DPYS: variants seen among roughly 807,000 people sequenced by gnomAD.
DPYS encodes the protein dihydropyrimidinase.
Under a neutral mutation model 50.3 loss-of-function variants are expected in DPYS, and 39 were observed. The observed-to-expected ratio is 0.78, with a 90% CI of 0.60 to 1.01. DPYS has a LOEUF of 1.01. Ranked by LOEUF, DPYS falls within the 50% of genes least tolerant of loss-of-function variation. The probability of loss-of-function intolerance (pLI) is 0.00; values close to 1 mark genes in which losing one functional copy is unlikely to be tolerated. For synonymous variants in DPYS, 245 were observed against 250.7 expected (o/e 0.98, Z 0.22); for missense variants, 659 against 680.9 (o/e 0.97, Z 0.36).
In DPYS at chr8:104,412,087, G is replaced by A. The variant is rs368497892; in HGVS notation, c.1235+12160C>T. ...GGCCACTTTTTGGGGAGGGCACCAA[G>A]GAAGTGTTCTGCAGGTACATGAAAT... On this transcript the variant is annotated intron_variant, in intron 7 of 9. Coordinates refer to ENST00000351513, the MANE Select transcript of DPYS (RefSeq NM_001385.3). 1.5e-4 allele frequency among the ~76,000 whole-genome samples: 23 copies of A among 152,302 alleles called. No individual in the cohort carries two copies. In the East Asian group the frequency reaches 4.3e-3, roughly 28 times the overall value.
chr8:104,447,216 C>T, intron 3 of DPYS, 108 bp downstream of exon 3: 1 of 1,379,220 alleles, frequency 7.3e-7, no homozygotes, highest in Admixed American at 2.0e-5. Context: ...TTCTGGATTT[C>T]TCATCTTCCA....
In DPYS at chr8:104,387,983, T is replaced by G. The variant is rs570635866; in HGVS notation, c.1443+4801A>C. On this transcript the variant is annotated intron_variant, in intron 8 of 9. Coordinates refer to ENST00000351513, the MANE Select transcript of DPYS (RefSeq NM_001385.3). ...CACTGAATGAAGAGTTGGGCACAGATGCGTACATATGTCTCTTGTGAGCCA... is the reference window on the plus strand; with the variant it reads ...CACTGAATGAAGAGTTGGGCACAGAGGCGTACATATGTCTCTTGTGAGCCA... Among the ~76,000 whole-genome samples, 4 of 152,328 alleles carry G rather than the reference T, an allele frequency of 2.6e-5. No homozygotes were observed. The South Asian group carries it at 6.2e-4, about 24-fold the overall frequency.
intron 8 of DPYS, among the ~76,000 whole-genome samples, chr8:104,382,538 GTTTT>G (rs11388669): frequency 7.8e-6 from 1 of 128,282 alleles, no homozygotes; most frequent in African/African-American, 2.9e-5. Context: ...CTTGGTCCCT[GTTTT>G]TTTTTTTTTT....
chr8:104,416,744 C>A (rs1431629799), intron 7 of DPYS, among the ~76,000 whole-genome samples: 1 of 152,066 alleles, frequency 6.6e-6, no homozygotes, highest in Admixed American at 6.6e-5. Context: ...ACACAATGTG[C>A]AACTTCAAGG....
chr8:104,427,966 C>T lies in DPYS; in HGVS notation c.1092+14G>A. 1 of 1,613,906 alleles carries T rather than the reference C, an allele frequency of 6.2e-7. No individual in the cohort carries two copies. Among genetic ancestry groups the T allele is most frequent in the Middle Eastern group, 1.7e-4 (1 of 5,886 alleles). On this transcript the variant is annotated intron_variant, in intron 6 of 9. Coordinates refer to ENST00000351513, the MANE Select transcript of DPYS (RefSeq NM_001385.3). ...AGAACTAGGCAAAGCAAGGCTGGAA[C>T]CTGTGAAACCCACCACGCCTTTTTC...
At chr8:104,399,713 C>T (rs1326825824) in intron 7 of DPYS, among the ~76,000 whole-genome samples, 1 of 151,436 alleles carries the variant, frequency 6.6e-6, no homozygotes, top group African/African-American at 2.4e-5. Flanking sequence ...ACTAAAAATA[C>T]AAAAAATTAG....
chr8:104,382,890 C>T (rs918804247), intron 8 of DPYS, among the ~76,000 whole-genome samples: 4 of 152,168 alleles, frequency 2.6e-5, no homozygotes, highest in Admixed American at 1.3e-4. Context: ...ACTTTTGTGC[C>T]GCCTACTGTG....
In DPYS at chr8:104,464,036, A is replaced by G. The variant is rs571878122; in HGVS notation, c.264+2621T>C. ...ATTGCAACACAGCCCCTTTGTAAGT[A>G]CTGTTTAATATTCAACAGGAATTTG... is the stretch of plus-strand genomic sequence containing the variant. On this transcript the variant is annotated intron_variant, in intron 1 of 9. Transcript: ENST00000351513. 1.1e-4 allele frequency among the ~76,000 whole-genome samples: 16 copies of G among 152,298 alleles called. No homozygotes were observed. The South Asian group carries it at 3.3e-3, about 32-fold the overall frequency.
At chr8:104,441,745 C>G (rs1476217605) in intron 4 of DPYS, among the ~76,000 whole-genome samples, 1 of 152,150 alleles carries the variant, frequency 6.6e-6, no homozygotes. Context: ...GTGTCTTTCA[C>G]AAATTGAAAT....
intron 8 of DPYS, among the ~76,000 whole-genome samples, chr8:104,384,582 C>A (rs1043416285): frequency 6.6e-6 from 1 of 152,174 alleles, no homozygotes; most frequent in Non-Finnish European, 1.5e-5. Context: ...AACCTCTGTC[C>A]GAAGTAGGAA....
intron 1 of DPYS, among the ~76,000 whole-genome samples, chr8:104,454,313 G>T (rs1813854522): frequency 6.6e-6 from 1 of 152,212 alleles, no homozygotes; most frequent in Non-Finnish European, 1.5e-5. Context: ...TTGAACCCAT[G>T]AGGCAGAGGT....
chr8:104,413,247 C>A (rs756467737), intron 7 of DPYS, among the ~76,000 whole-genome samples: 2 of 151,820 alleles, frequency 1.3e-5, no homozygotes, highest in Non-Finnish European at 2.9e-5. Context: ...ATAAATCTAA[C>A]AATTATAATG....
intron 2 of DPYS, among the ~76,000 whole-genome samples, chr8:104,450,785 G>C (rs1444901848): frequency 6.6e-6 from 1 of 152,190 alleles, no homozygotes; most frequent in South Asian, 2.1e-4. Context: ...GCTCATGAGT[G>C]GGAAGGCAGG....
intron 1 of DPYS, among the ~76,000 whole-genome samples, chr8:104,458,112 GAGTTCAGTCCCC>G (rs1336475816): frequency 1.3e-5 from 2 of 152,156 alleles, no homozygotes; most frequent in Non-Finnish European, 2.9e-5. Context: ...TGAGCAACCG[GAGTTCAGTCCCC>G]AGAAAATCCT....
intron 8 of DPYS, among the ~76,000 whole-genome samples, chr8:104,387,534 GT>G (rs1446277507): frequency 6.6e-6 from 1 of 152,132 alleles, no homozygotes; most frequent in Non-Finnish European, 1.5e-5. Context: ...AGGGATTAAA[GT>G]TTATGGTTAG....
intron 4 of DPYS, among the ~76,000 whole-genome samples, chr8:104,440,684 A>G (rs1343387381): frequency 6.6e-6 from 1 of 152,018 alleles, no homozygotes; most frequent in African/African-American, 2.4e-5. Flanking sequence ...GCTTGAACCC[A>G]GGAGATGGAG....
rs182841408 is a variant in DPYS, at chr8:104,395,475, C to A, written c.1236-2484G>T. ...ATCCCTCTGTAGTCACGCCCTCCCC[C>A]AATCCCTAACACCTGGCAACCACTG... On this transcript the variant is annotated intron_variant, in intron 7 of 9. Coordinates refer to ENST00000351513, the MANE Select transcript of DPYS (RefSeq NM_001385.3). 1.2e-4 allele frequency among the ~76,000 whole-genome samples: 19 copies of A among 152,318 alleles called. No individual in the cohort carries two copies. In the South Asian group the frequency reaches 3.9e-3, roughly 32 times the overall value.
intron 1 of DPYS, among the ~76,000 whole-genome samples, chr8:104,464,150 A>G (rs1281547752): frequency 6.6e-6 from 1 of 152,188 alleles, no homozygotes; most frequent in Non-Finnish European, 1.5e-5. Context: ...TTTTTGTTTA[A>G]TGTTTTCACA....
At position 104,418,926 on chromosome 8, in the gene DPYS, C is replaced by G. The variant is rs551598238; in HGVS notation, c.1235+5321G>C. ...GTGGCTGTTGTATAAGCTTGACCCT[C>G]AGCCTGCGGCTTGCCGAGGTGCTCC... On this transcript the variant is annotated intron_variant, in intron 7 of 9. Transcript: ENST00000351513. The G allele has an allele frequency of 3.9e-5, 32 of 816,596 alleles. No homozygotes were observed. The African/African-American group carries it at 5.8e-4, about 15-fold the overall frequency. The allele number at this position is 816,596 out of a possible 1,614,324, so 50.6% of individuals were successfully genotyped here.
Sources: allele counts gnomAD v4.1 joint callset (sites outside exome capture counted in the v4.1 genomes callset), GRCh38; gene constraint gnomAD v4.1.1; transcripts MANE v1.5; gene names NCBI Gene and HGNC (gene_info 2026-07-23, HGNC 2026-07-21).